MED14: variants seen among roughly 807,000 people sequenced by gnomAD.
MED14 encodes mediator of RNA polymerase II transcription subunit 14.
In MED14, 8 loss-of-function variants were observed where a neutral mutation model predicts 109.0. The observed-to-expected ratio is 0.07, with a 90% CI of 0.04 to 0.13. The LOEUF (loss-of-function observed/expected upper bound fraction) is 0.13, where lower values mean the gene tolerates loss of function less well. Ranked by LOEUF, MED14 falls within the 10% of genes least tolerant of loss-of-function variation. MED14 has a pLI of 1.00. For synonymous variants in MED14, 399 were observed against 408.7 expected (o/e 0.98, Z 0.29); for missense variants, 711 against 1,142.4 (o/e 0.62, Z 5.44).
chrX:40,667,029 C>T (rs990766783), intron 23 of MED14, among the ~76,000 whole-genome samples, 178 bp from the exon 24 acceptor site: 3 of 111,002 alleles, frequency 2.7e-5, no homozygotes, highest in African/African-American at 9.8e-5. Context: ...CAATTCCATG[C>T]GCCCAAATTC....
At chrX:40,690,311 G>C (rs896623319) in intron 15 of MED14, among the ~76,000 whole-genome samples, 1 of 111,177 alleles carries the variant, frequency 9.0e-6, no homozygotes, top group Non-Finnish European at 1.9e-5. Flanking sequence ...TTTCTCTCTG[G>C]GCTCTTTACA....
intron 28 of MED14, among the ~76,000 whole-genome samples, chrX:40,658,687 C>T (rs1415594396): frequency 5.1e-5 from 2 of 39,030 alleles, no homozygotes; most frequent in Non-Finnish European, 8.2e-5. Context: ...TCCGTCTCTA[C>T]CAAAAAAAAA....
intron 23 of MED14, among the ~76,000 whole-genome samples, chrX:40,670,732 C>T (rs906850760): frequency 2.9e-5 from 3 of 105,003 alleles, no homozygotes; most frequent in Non-Finnish European, 3.9e-5. Context: ...CTGCAGTCCA[C>T]AGTCCGGCCT....
intron 12 of MED14, among the ~76,000 whole-genome samples, chrX:40,697,560 G>A (rs1166708397): frequency 7.1e-5 from 8 of 112,040 alleles, no homozygotes; most frequent in Non-Finnish European, 1.3e-4. Context: ...TGTGAAGTGT[G>A]TAGTATACCT....
Position 40,654,499 on chromosome X carries a change from G to A in MED14, c.4156C>T (p.Pro1386Ser). 1 of 1,211,055 alleles carries A rather than the reference G, an allele frequency of 8.3e-7. No homozygotes were observed. Among genetic ancestry groups the A allele is most frequent in the Non-Finnish European group, 1.1e-6 (1 of 895,247 alleles). ...CCTGAAGCCATGTCATAAATGATTGGAACTATAATACTAACAGGTTCTTGG... is the reference window on the plus strand; with the variant it reads ...CCTGAAGCCATGTCATAAATGATTGAAACTATAATACTAACAGGTTCTTGG... ...PPQEPVSIIV[P>S]IIYDMASGTT... is the part of the protein sequence containing the mutation. Residue 1386 changes from proline (P) to serine (S), a missense_variant, in exon 30 of 31, where the codon CCA becomes TCA. This residue lies in a region of MED14 where 41 missense variants were observed against 66.9 expected (regional missense o/e 0.61). Transcript: ENST00000324817.
chrX:40,668,145 G>C (rs1485211937), intron 23 of MED14, among the ~76,000 whole-genome samples: 1 of 111,621 alleles, frequency 9.0e-6, no homozygotes, highest in Non-Finnish European at 1.9e-5. Flanking sequence ...CACTTTGGGA[G>C]GGCGAAGTGG....
chrX:40,686,803 T>G lies in MED14; in HGVS notation c.2057+1651A>C, dbSNP rs1285857559. Reference sequence around the variant, plus strand: ...AAGCAACATCTGGGAAACAATAAAGTGTACCCCTCCTTTGCAAAGAAACCT... The same window carrying G: ...AAGCAACATCTGGGAAACAATAAAGGGTACCCCTCCTTTGCAAAGAAACCT... On this transcript the variant is annotated intron_variant, in intron 16 of 30. Coordinates refer to ENST00000324817, the MANE Select transcript of MED14 (RefSeq NM_004229.4). Among the ~76,000 whole-genome samples, 3 of 112,005 alleles carry G rather than the reference T, an allele frequency of 2.7e-5. No individual in the cohort carries two copies. The East Asian group carries it at 8.4e-4, about 31-fold the overall frequency.
intron 19 of MED14, 35 bp from the exon 20 acceptor site, chrX:40,680,945 G>T: frequency 1.1e-6 from 1 of 922,707 alleles, no homozygotes; most frequent in South Asian, 2.6e-5. Context: ...CAGAAACTGA[G>T]AAAGTAACAG....
intron 23 of MED14, among the ~76,000 whole-genome samples, chrX:40,670,546 G>A (rs1172750202): frequency 1.8e-5 from 2 of 110,835 alleles, no homozygotes; most frequent in Non-Finnish European, 3.8e-5. Context: ...TGGATCATGA[G>A]GTCAGGAGAT....
chrX:40,697,598 T>C (rs1270996062), intron 12 of MED14, among the ~76,000 whole-genome samples: 1 of 112,212 alleles, frequency 8.9e-6, no homozygotes, highest in Non-Finnish European at 1.9e-5. Flanking sequence ...TTAACTACCT[T>C]TGTTCCCACG....
In MED14 at chrX:40,680,136, A is replaced by G. The variant is rs762404804; in HGVS notation, c.2611-3T>C. 1 of 1,208,260 alleles carries G rather than the reference A, an allele frequency of 8.3e-7. No homozygotes were observed. ...GGAGCCTGAGTATCAAACAGTACCTATAAGGAACAAACACAGTGAGAGCAG... is the reference window on the plus strand; with the variant it reads ...GGAGCCTGAGTATCAAACAGTACCTGTAAGGAACAAACACAGTGAGAGCAG... On this transcript the variant is annotated splice_region_variant and splice_polypyrimidine_tract_variant and intron_variant, in intron 20 of 30. Transcript: ENST00000324817.
chrX:40,700,568 G>T (rs1195099067), intron 12 of MED14, among the ~76,000 whole-genome samples: 1 of 109,314 alleles, frequency 9.1e-6, no homozygotes, highest in Non-Finnish European at 1.9e-5. Context: ...TTTAGTCTCT[G>T]AATTTTTTTT....
chrX:40,692,356 A>G (rs1383259227), intron 14 of MED14, 39 bp from the exon 15 acceptor site: 1 of 1,062,640 alleles, frequency 9.4e-7, no homozygotes, highest in Admixed American at 2.7e-5. Context: ...GTAAAAAAAA[A>G]AAAAAAAGTA....
In MED14 at chrX:40,655,295, G is replaced by C. The variant is rs914404257; in HGVS notation, c.3973-235C>G. Among the ~76,000 whole-genome samples, 21 of 111,117 alleles carry C rather than the reference G, an allele frequency of 1.9e-4. No homozygotes were observed. The Admixed American group carries it at 2.0e-3, about 11-fold the overall frequency. On this transcript the variant is annotated intron_variant, in intron 28 of 30. Coordinates refer to ENST00000324817, the MANE Select transcript of MED14 (RefSeq NM_004229.4). Reference sequence around the variant, plus strand: ...TCCCTCCCACTTCGTTAATTCCTAAGGCCTATGGATTCGGCTTCTGCAGGG... The same window carrying C: ...TCCCTCCCACTTCGTTAATTCCTAACGCCTATGGATTCGGCTTCTGCAGGG...
rs777558781 is a variant in MED14 at position 40,701,098 on chromosome X, G to A, written c.1490+67C>T. 71 of 786,694 alleles carry A rather than the reference G, an allele frequency of 9.0e-5. No homozygotes were observed. The East Asian group carries it at 2.2e-3, about 24-fold the overall frequency. The allele number at this position is 786,694 out of a possible 1,213,427, so 64.8% of individuals were successfully genotyped here. A position where few individuals can be genotyped will look rare whatever the true frequency, so the allele number is the denominator to read the frequency against. On this transcript the variant is annotated intron_variant, in intron 12 of 30. Coordinates refer to ENST00000324817, the MANE Select transcript of MED14 (RefSeq NM_004229.4). The stretch of plus-strand genomic sequence containing the variant: ...CAGTGAATGACCAAGAGTAATGATG[G>A]AGAAGAAAACATATCTTGTCAAAAT...
At chrX:40,717,214 A>G (rs1227718038) in intron 3 of MED14, among the ~76,000 whole-genome samples, 1 of 110,618 alleles carries the variant, frequency 9.0e-6, no homozygotes, top group Non-Finnish European at 1.9e-5. Flanking sequence ...TTTGATCACT[A>G]TGTACATGTA....
chrX:40,686,429 C>A lies in MED14; in HGVS notation c.2057+2025G>T, dbSNP rs763857007. Reference sequence around the variant, plus strand: ...TAGAAGAGTAAAAAGAAAAAAAAAACCTATATTCAAGGCAAAGCAATTCAA... The same window carrying A: ...TAGAAGAGTAAAAAGAAAAAAAAAAACTATATTCAAGGCAAAGCAATTCAA... On this transcript the variant is annotated intron_variant, in intron 16 of 30. Coordinates refer to ENST00000324817, the MANE Select transcript of MED14 (RefSeq NM_004229.4). Among the ~76,000 whole-genome samples, 21 of 110,782 alleles carry A rather than the reference C, an allele frequency of 1.9e-4. No homozygotes were observed. In the South Asian group the frequency reaches 6.8e-3, roughly 36 times the overall value.
At chrX:40,654,656 TAAGC>T (rs1928993044) in intron 29 of MED14, 100 bp from the exon 30 acceptor site, 2 of 911,207 alleles carry the variant, frequency 2.2e-6, no homozygotes, top group South Asian at 2.5e-5. Flanking sequence ...CAGATTAAGA[TAAGC>T]AAGCAAAAGA....
Position 40,720,158 on chromosome X carries a change from C to G in MED14, c.349-5448G>C, listed in dbSNP as rs58676412. Among the ~76,000 whole-genome samples, 721 of 112,381 alleles carry G rather than the reference C, an allele frequency of 6.4e-3. 5 individuals are homozygous for G. Among genetic ancestry groups the G allele is most frequent in the African/African-American group, 0.022 (691 of 30,957 alleles). ...TACAAGCCAACACCAGTCACCCCCT[C>G]TCCAGGAACACGAAATTTTTACTAT... is the stretch of plus-strand genomic sequence containing the variant. On this transcript the variant is annotated intron_variant, in intron 3 of 30. Coordinates refer to ENST00000324817, the MANE Select transcript of MED14 (RefSeq NM_004229.4).
Sources: allele counts gnomAD v4.1 joint callset (sites outside exome capture counted in the v4.1 genomes callset), GRCh38; gene constraint gnomAD v4.1.1; regional missense constraint gnomAD v4.1.1; transcripts MANE v1.5; gene names NCBI Gene and HGNC (gene_info 2026-07-23, HGNC 2026-07-21).